CSMD1: variants seen among roughly 807,000 people sequenced by gnomAD.
The protein encoded by CSMD1 is CUB and sushi domain-containing protein 1.
A neutral mutation model predicts 417.5 loss-of-function variants in CSMD1; 213 were observed. The ratio of observed to expected loss-of-function variants is 0.51; its 90% CI spans 0.46 to 0.57. The LOEUF (loss-of-function observed/expected upper bound fraction) is 0.57, where lower values mean the gene tolerates loss of function less well. CSMD1 is among the 20% of genes least tolerant of loss of function. The pLI is 0.00. For synonymous variants in CSMD1, 2,862 were observed against 1,736.8 expected (o/e 1.65, Z -16.11); for missense variants, 6,923 against 4,529.7 (o/e 1.53, Z -15.17).
chr8:3,699,672 G>C (rs969106436), intron 7 of CSMD1, among the ~76,000 whole-genome samples: 2 of 152,282 alleles, frequency 1.3e-5, no homozygotes, highest in Admixed American at 1.3e-4. Flanking sequence ...ATTTACTGGT[G>C]ATCTGAAACA....
At chr8:4,620,736 T>A (rs1171871930) in intron 2 of CSMD1, among the ~76,000 whole-genome samples, 1 of 151,866 alleles carries the variant, frequency 6.6e-6, no homozygotes, top group Admixed American at 6.6e-5. Flanking sequence ...TATAAAATGT[T>A]TGGCAAATAA....
chr8:4,777,974 G>A (rs1796954111), intron 1 of CSMD1, among the ~76,000 whole-genome samples: 1 of 152,154 alleles, frequency 6.6e-6, no homozygotes, highest in African/African-American at 2.4e-5. Flanking sequence ...TTTACATAGG[G>A]TTAAGCTTTT....
intron 5 of CSMD1, among the ~76,000 whole-genome samples, chr8:3,792,805 A>G (rs1246453973): frequency 1.3e-5 from 2 of 152,210 alleles, no homozygotes; most frequent in African/African-American, 4.8e-5. Flanking sequence ...TATATTGATA[A>G]TGACAGAGAA....
At position 4,672,049 on chromosome 8, in the gene CSMD1, G is replaced by A. The variant is rs548536870; in HGVS notation, c.86-34491C>T. Among the ~76,000 whole-genome samples, 7 of 152,250 alleles carry A rather than the reference G, an allele frequency of 4.6e-5. No homozygotes were observed. In the South Asian group the frequency reaches 1.5e-3, roughly 32 times the overall value. On this transcript the variant is annotated intron_variant, in intron 1 of 69. Coordinates refer to ENST00000635120, the MANE Select transcript of CSMD1 (RefSeq NM_033225.6). The stretch of plus-strand genomic sequence containing the variant: ...ACAGTGATGACACCAAGGCAGTCCT[G>A]TACCTTTTGTTGAAAGATAGAGTTT...
At chr8:3,444,587 C>G (rs1815186348) in intron 12 of CSMD1, among the ~76,000 whole-genome samples, 1 of 152,080 alleles carries the variant, frequency 6.6e-6, no homozygotes, top group South Asian at 2.1e-4. Context: ...TCTGGTGGGT[C>G]AAGGCCAATG....
rs143482231 is a variant in CSMD1, at chr8:4,743,424, A to G, written c.86-105866T>C. Among the ~76,000 whole-genome samples, 424 of 152,290 alleles carry G rather than the reference A, an allele frequency of 2.8e-3. 4 individuals are homozygous for G. The highest frequency in any genetic ancestry group is 9.3e-3 in the African/African-American group (386 of 41,558). On this transcript the variant is annotated intron_variant, in intron 1 of 69. Coordinates refer to ENST00000635120, the MANE Select transcript of CSMD1 (RefSeq NM_033225.6). ...GGGAGTGGTATCTTCAAAGCAAAAA[A>G]TGAACGTGTGTCAAGAATGAGCAGA...
chr8:4,906,540 T>C lies in CSMD1; in HGVS notation c.85+87792A>G, dbSNP rs192183625. Among the ~76,000 whole-genome samples the C allele has an allele frequency of 4.2e-3, 640 of 151,670 alleles. 8 individuals are homozygous for C. The highest frequency in any genetic ancestry group is 0.014 in the African/African-American group (595 of 41,340). On this transcript the variant is annotated intron_variant, in intron 1 of 69. Coordinates refer to ENST00000635120, the MANE Select transcript of CSMD1 (RefSeq NM_033225.6). ...TTTTATTCTAAATATTTTAAATAAGTTTGTCTTTTCAAGGTAGCTATTACA... is the reference window on the plus strand; with the variant it reads ...TTTTATTCTAAATATTTTAAATAAGCTTGTCTTTTCAAGGTAGCTATTACA...
intron 26 of CSMD1, among the ~76,000 whole-genome samples, chr8:3,256,823 G>A (rs1418979164): frequency 6.6e-6 from 1 of 152,168 alleles, no homozygotes; most frequent in African/African-American, 2.4e-5. Context: ...TGAGTCACAG[G>A]ATTCTTATTT....
chr8:3,241,987 G>T (rs891709720), intron 26 of CSMD1, among the ~76,000 whole-genome samples: 18 of 102,236 alleles, frequency 1.8e-4, no homozygotes, highest in Admixed American at 1.7e-3. Flanking sequence ...GACCTTTTAG[G>T]GTCTAGGGCT....
At chr8:4,233,137 G>C (rs934742831) in intron 3 of CSMD1, among the ~76,000 whole-genome samples, 2 of 152,174 alleles carry the variant, frequency 1.3e-5, no homozygotes, top group African/African-American at 4.8e-5. Flanking sequence ...CAACGTTCCA[G>C]CTTCAAGAAC....
At chr8:4,472,602 A>G (rs1800597527) in intron 2 of CSMD1, among the ~76,000 whole-genome samples, 1 of 152,142 alleles carries the variant, frequency 6.6e-6, no homozygotes, top group South Asian at 2.1e-4. Context: ...AAGTTAAAAT[A>G]TTTAACAAGA....
At chr8:3,633,705 C>T (rs1007122178) in intron 7 of CSMD1, among the ~76,000 whole-genome samples, 4 of 151,916 alleles carry the variant, frequency 2.6e-5, no homozygotes, top group African/African-American at 4.8e-5. Context: ...TTCAATGATC[C>T]TTCAATTAAA....
chr8:3,183,993 G>A (rs1585586647), intron 36 of CSMD1, among the ~76,000 whole-genome samples: 1 of 152,228 alleles, frequency 6.6e-6, no homozygotes, highest in South Asian at 2.1e-4. Flanking sequence ...CTTTACAAAT[G>A]TATATATGAT....
At chr8:4,741,109 C>T (rs924029347) in intron 1 of CSMD1, among the ~76,000 whole-genome samples, 1 of 152,226 alleles carries the variant, frequency 6.6e-6, no homozygotes, top group South Asian at 2.1e-4. Flanking sequence ...AAGATCCATC[C>T]TAGTATCTCC....
chr8:3,834,948 T>C (rs12545211), intron 5 of CSMD1, among the ~76,000 whole-genome samples: 62,544 of 151,466 alleles, frequency 0.41, 13,840 homozygotes, highest in African/African-American at 0.57. Context: ...ATTTAGGCAG[T>C]CAAAAAACAC....
At chr8:4,169,129 C>G (rs901369521) in intron 3 of CSMD1, among the ~76,000 whole-genome samples, 2 of 152,198 alleles carry the variant, frequency 1.3e-5, no homozygotes, top group Non-Finnish European at 2.9e-5. Context: ...TGTAAGCTCA[C>G]TGGTGGTGAT....
rs375235461 is a variant in CSMD1 at position 2,957,696 on chromosome 8, G to A, written c.9814C>T (p.Pro3272Ser). The A allele has an allele frequency of 2.8e-5, 43 of 1,561,900 alleles. No homozygotes were observed. The highest frequency in any genetic ancestry group is 9.1e-5 in the Admixed American group (5 of 55,154). ...TGGGGGTGGAAGAAATCACACTTAC[G>A]TATACATTCGGTCTGTATCCCACTC... ...TWSGIQTECI[P>S]HACRQPETPA... The change falls in exon 63 of 70, where the codon CCT becomes TCT. Residue 3272 changes from proline (P) to serine (S), a missense_variant and splice_region_variant. Coordinates refer to ENST00000635120, the MANE Select transcript of CSMD1 (RefSeq NM_033225.6).
intron 1 of CSMD1, among the ~76,000 whole-genome samples, chr8:4,664,379 G>C (rs1281937903): frequency 6.6e-6 from 1 of 152,104 alleles, no homozygotes; most frequent in African/African-American, 2.4e-5. Context: ...GGGCAACATG[G>C]TGAAACCCCA....
At chr8:3,294,177 T>G (rs1260421347) in intron 25 of CSMD1, among the ~76,000 whole-genome samples, 1 of 152,180 alleles carries the variant, frequency 6.6e-6, no homozygotes, top group Non-Finnish European at 1.5e-5. Context: ...GTCTGATCAT[T>G]CCTCTGGAAG....
Sources: allele counts gnomAD v4.1 joint callset (sites outside exome capture counted in the v4.1 genomes callset), GRCh38; gene constraint gnomAD v4.1.1; transcripts MANE v1.5; gene names NCBI Gene and HGNC (gene_info 2026-07-23, HGNC 2026-07-21).